NR5A2: variants seen among roughly 807,000 people sequenced by gnomAD.
The protein encoded by NR5A2 is CYP7A promoter-binding factor.
In NR5A2, 26 loss-of-function variants were observed where a neutral mutation model predicts 62.7. The observed-to-expected ratio is 0.41, with a 90% CI of 0.30 to 0.58. NR5A2 has a LOEUF of 0.58. Ranked by LOEUF, NR5A2 falls within the 20% of genes least tolerant of loss-of-function variation. NR5A2 has a pLI of 0.22. For synonymous variants in NR5A2, 246 were observed against 241.7 expected, an observed-to-expected ratio of 1.02 and a Z score of -0.16; for missense variants, 541 against 669.1, an observed-to-expected ratio of 0.81 and a Z score of 2.11.
intron 7 of NR5A2, among the ~76,000 whole-genome samples, chr1:200,171,696 C>A (rs1654187937): frequency 1.3e-5 from 2 of 152,108 alleles, no homozygotes; most frequent in South Asian, 4.1e-4. Context: ...TTGCAGTGAG[C>A]CGAGATCGCA....
At chr1:200,111,055 G>A in intron 5 of NR5A2, 147 bp from the exon 6 acceptor site, 1 of 818,704 alleles carries the variant, frequency 1.2e-6, no homozygotes, top group Non-Finnish European at 1.8e-6. Context: ...ATGAATTCTG[G>A]GCACCTGTGC....
In NR5A2 at chr1:200,048,032, A is replaced by G; in HGVS notation, c.464-140A>G. 2.7e-6 allele frequency: 2 copies of G among 731,384 alleles called. No individual in the cohort carries two copies. The highest frequency in any genetic ancestry group is 4.3e-6 in the Non-Finnish European group (2 of 460,690). The allele number at this position is 731,384 out of a possible 1,614,324, so 45.3% of individuals were successfully genotyped here. A position where few individuals can be genotyped will look rare whatever the true frequency, so the allele number is the denominator to read the frequency against. On this transcript the variant is annotated intron_variant, in intron 4 of 7. Transcript: ENST00000367362. This position sits in a 1 kb window ranked among gnomAD's most constrained non-coding sequence, Gnocchi z 4.8. ...TAAAGAGGACATGGTTTTTTGGGAA[A>G]TCTTTGTGGGCTATTGTAACGAAAA...
intron 7 of NR5A2, among the ~76,000 whole-genome samples, chr1:200,138,482 C>A (rs2737620): frequency 0.51 from 78,042 of 152,018 alleles, 22,090 homozygotes; most frequent in Non-Finnish European, 0.64. Context: ...CTTAAGAAAT[C>A]CTTCCCAACC....
At chr1:200,060,053 A>C (rs532097792) in intron 5 of NR5A2, among the ~76,000 whole-genome samples, 22 of 152,170 alleles carry the variant, frequency 1.4e-4, no homozygotes, top group African/African-American at 4.8e-4. Context: ...GGCTAACATC[A>C]GGCAGCCAGT....
chr1:200,095,916 T>C (rs1235152113), intron 5 of NR5A2, among the ~76,000 whole-genome samples: 2 of 151,998 alleles, frequency 1.3e-5, no homozygotes, highest in African/African-American at 4.8e-5. Flanking sequence ...AAAGAAATAA[T>C]AGGAAAAGTA....
intron 7 of NR5A2, among the ~76,000 whole-genome samples, chr1:200,158,656 C>T (rs926502458): frequency 7.9e-5 from 12 of 151,938 alleles, no homozygotes; most frequent in African/African-American, 2.2e-4. Flanking sequence ...AGTGCAGTGG[C>T]GTGATCTCAG....
intron 5 of NR5A2, among the ~76,000 whole-genome samples, chr1:200,087,948 A>G (rs1256999345): frequency 6.6e-6 from 1 of 151,714 alleles, no homozygotes; most frequent in Admixed American, 6.6e-5. Flanking sequence ...ATGGAGTTTC[A>G]CCATGTTGGC....
At chr1:200,156,065 G>A (rs961966443) in intron 7 of NR5A2, among the ~76,000 whole-genome samples, 42 of 152,188 alleles carry the variant, frequency 2.8e-4, no homozygotes, top group Admixed American at 8.5e-4. Context: ...ATGAGTGGTC[G>A]TGGGCTGCCT....
At chr1:200,079,015 G>A (rs912198164) in intron 5 of NR5A2, among the ~76,000 whole-genome samples, 8 of 152,108 alleles carry the variant, frequency 5.3e-5, no homozygotes, top group Admixed American at 3.9e-4. Context: ...GGCATTCATA[G>A]CAACTATAAG....
At position 200,039,920 on chromosome 1, in the gene NR5A2, G is replaced by A. The variant is rs1156618331; in HGVS notation, c.202+125G>A. On this transcript the variant is annotated intron_variant, in intron 2 of 7. Transcript: ENST00000367362. The surrounding 1 kb of genome is among the most constrained non-coding windows in gnomAD (Gnocchi z 5.1). ...GCCCCGCTGGGCGCTCGCAGCCGCG[G>A]GAGTCAAGCCCCCTCCCCAGGTGCA... 9.3e-7 allele frequency: 1 copy of A among 1,072,264 alleles called. No individual in the cohort carries two copies. The highest frequency in any genetic ancestry group is 1.3e-6 in the Non-Finnish European group (1 of 785,026). The allele number at this position is 1,072,264 out of a possible 1,614,324, so 66.4% of individuals were successfully genotyped here. A position where few individuals can be genotyped will look rare whatever the true frequency, so the allele number is the denominator to read the frequency against.
At chr1:200,108,877 C>T (rs903837342) in intron 5 of NR5A2, among the ~76,000 whole-genome samples, 3 of 152,176 alleles carry the variant, frequency 2.0e-5, no homozygotes, top group Non-Finnish European at 2.9e-5. Flanking sequence ...ATTGCTAGGA[C>T]GTTAGGCCAC....
chr1:200,033,421 T>C (rs1661617366), intron 1 of NR5A2, among the ~76,000 whole-genome samples: 1 of 151,814 alleles, frequency 6.6e-6, no homozygotes, highest in Non-Finnish European at 1.5e-5. Context: ...AAAGCACTTT[T>C]GACAAACCCA....
chr1:200,066,736 C>T (rs1265540742), intron 5 of NR5A2, among the ~76,000 whole-genome samples: 2 of 151,920 alleles, frequency 1.3e-5, no homozygotes, highest in African/African-American at 4.8e-5. Flanking sequence ...TACAGGTGCC[C>T]ACCACCATGC....
intron 5 of NR5A2, among the ~76,000 whole-genome samples, chr1:200,063,542 T>G (rs1663328242): frequency 6.6e-6 from 1 of 152,208 alleles, no homozygotes; most frequent in South Asian, 2.1e-4. Flanking sequence ...CATTGAGAAT[T>G]GCTTTTATGA....
chr1:200,042,086 A>G (rs1161079670), intron 2 of NR5A2, among the ~76,000 whole-genome samples: 4 of 152,210 alleles, frequency 2.6e-5, no homozygotes, highest in Non-Finnish European at 5.9e-5. Context: ...CCAGGTTCCT[A>G]AAACCCTAGT....
At chr1:200,117,555 T>C (rs1000052193) in intron 6 of NR5A2, among the ~76,000 whole-genome samples, 12 of 152,220 alleles carry the variant, frequency 7.9e-5, no homozygotes, top group African/African-American at 2.4e-4. Context: ...TTTTCACATA[T>C]GAAATTCTTG....
At chr1:200,141,161 T>G (rs1667428420) in intron 7 of NR5A2, among the ~76,000 whole-genome samples, 1 of 152,162 alleles carries the variant, frequency 6.6e-6, no homozygotes, top group Admixed American at 6.5e-5. Context: ...TGTTGGGGGG[T>G]GGGTTCTGGC....
intron 5 of NR5A2, among the ~76,000 whole-genome samples, chr1:200,058,770 C>T (rs1404813369): frequency 1.3e-5 from 2 of 149,470 alleles, no homozygotes; most frequent in Non-Finnish European, 1.5e-5. Flanking sequence ...TGAACCACCG[C>T]GCTGGGCTGG....
intron 4 of NR5A2, among the ~76,000 whole-genome samples, chr1:200,046,111 G>A (rs1427630250): frequency 6.6e-6 from 1 of 152,116 alleles, no homozygotes; most frequent in Non-Finnish European, 1.5e-5. Context: ...CTTTGATAGT[G>A]TAGAAATGTA....
Sources: gnomAD v4.1 joint callset for allele counts (sites outside exome capture counted in the v4.1 genomes callset) on GRCh38, gnomAD v4.1.1 for gene constraint, Gnocchi (gnomAD v3.1) non-coding constraint, MANE v1.5 for transcripts, NCBI Gene and HGNC (gene_info 2026-07-23, HGNC 2026-07-21) for gene names.